Variants in RELN observed in about 807,000 individuals in gnomAD.
The protein encoded by RELN is reelin.
RELN carries 108 observed loss-of-function variants against 427.6 expected under a neutral mutation model. That is an observed-to-expected ratio of 0.25 (90% CI 0.22 to 0.30). The LOEUF (loss-of-function observed/expected upper bound fraction) is 0.30. RELN is among the 10% of genes least tolerant of loss of function. RELN has a pLI of 1.00. For missense variants in RELN, 3,715 were observed against 4,302.8 expected (o/e 0.86, Z 3.82); for synonymous variants, 1,524 against 1,513.4 (o/e 1.01, Z -0.16).
At chr7:103,965,711 C>A (rs1331552278) in intron 1 of RELN, among the ~76,000 whole-genome samples, 1 of 152,136 alleles carries the variant, frequency 6.6e-6, no homozygotes, top group East Asian at 1.9e-4. Context: ...ATCCAATTCC[C>A]AGATCTTTTC....
intron 6 of RELN, among the ~76,000 whole-genome samples, chr7:103,744,152 C>T (rs962781615): frequency 6.6e-6 from 1 of 152,124 alleles, no homozygotes; most frequent in Non-Finnish European, 1.5e-5. Flanking sequence ...ACAACCTGCT[C>T]CTGAATGACT....
At chr7:103,668,919 T>G (rs1298835712) in intron 11 of RELN, among the ~76,000 whole-genome samples, 1 of 152,108 alleles carries the variant, frequency 6.6e-6, no homozygotes, top group Non-Finnish European at 1.5e-5. Context: ...AAGTGAAAAA[T>G]TAAATTGAAA....
chr7:103,631,572 G>A (rs1054317092), intron 19 of RELN, among the ~76,000 whole-genome samples: 8 of 152,034 alleles, frequency 5.3e-5, no homozygotes, highest in South Asian at 2.1e-4. Flanking sequence ...GATTACAGGC[G>A]TGGGCCACTG....
At chr7:103,843,730 G>A (rs1793610603) in intron 2 of RELN, among the ~76,000 whole-genome samples, 1 of 152,142 alleles carries the variant, frequency 6.6e-6, no homozygotes, top group Non-Finnish European at 1.5e-5. Context: ...GTCAAATGCT[G>A]TTCTCCCAAG....
Position 103,523,118 on chromosome 7 carries a change from G to C in RELN, c.7490+273C>G, listed in dbSNP as rs930302901. Among the ~76,000 whole-genome samples, 3 of 152,206 alleles carry C rather than the reference G, an allele frequency of 2.0e-5. No homozygotes were observed. In the East Asian group the frequency reaches 5.8e-4, roughly 29 times the overall value. ...TTTTCTAATGTTATTTTCAAGGCTC[G>C]AGTGTATCACAGAAACACAGAAGGA... On this transcript the variant is annotated intron_variant, in intron 47 of 64. Transcript: ENST00000428762.
intron 2 of RELN, among the ~76,000 whole-genome samples, chr7:103,876,503 T>TAA (rs386410872): frequency 6.8e-6 from 1 of 147,840 alleles, no homozygotes; most frequent in South Asian, 2.4e-4. Context: ...TACTATCAAA[T>TAA]ATGTTATTAC....
At chr7:103,803,950 C>T (rs560969111) in intron 3 of RELN, among the ~76,000 whole-genome samples, 27 of 152,068 alleles carry the variant, frequency 1.8e-4, no homozygotes, top group African/African-American at 5.8e-4. Context: ...ATCTCAAGGC[C>T]ATAAAAACCA....
intron 1 of RELN, among the ~76,000 whole-genome samples, chr7:103,963,361 A>C (rs1356910465): frequency 1.3e-5 from 2 of 152,212 alleles, no homozygotes; most frequent in Non-Finnish European, 2.9e-5. Context: ...GAGGTAAGTA[A>C]ACAAAATATT....
intron 1 of RELN, among the ~76,000 whole-genome samples, chr7:103,976,970 T>C (rs1335669994): frequency 6.6e-6 from 1 of 152,084 alleles, no homozygotes; most frequent in East Asian, 1.9e-4. Flanking sequence ...GGAGGATCAC[T>C]TGAGCCCAAG....
In RELN at chr7:103,620,449, G is replaced by C. The variant is rs1832190760; in HGVS notation, c.2703-8646C>G. 6.7e-6 allele frequency among the ~76,000 whole-genome samples: 1 copy of C among 149,190 alleles called. No individual in the cohort carries two copies. Among genetic ancestry groups the C allele is most frequent in the African/African-American group, 2.5e-5 (1 of 40,320 alleles). On this transcript the variant is annotated intron_variant, in intron 20 of 64. Coordinates refer to ENST00000428762, the MANE Select transcript of RELN (RefSeq NM_005045.4). This position sits in a 1 kb window ranked among gnomAD's most constrained non-coding sequence, Gnocchi z 4.1. ...CCACATTATCTCCAGATTCGATTTT[G>C]GTTGAAGATAACTCACCCGATCCAC... is the stretch of plus-strand genomic sequence containing the variant.
rs181733986 is a variant in RELN, at chr7:103,691,761, C to T, written c.1143+6092G>A. On this transcript the variant is annotated intron_variant, in intron 10 of 64. Coordinates refer to ENST00000428762, the MANE Select transcript of RELN (RefSeq NM_005045.4). The stretch of plus-strand genomic sequence containing the variant: ...CTGGGAGGTGGAGGCTGCAGTGAGA[C>T]GAGATCATGACACTGCACACTAGTC... Among the ~76,000 whole-genome samples the T allele has an allele frequency of 9.5e-3, 1,443 of 152,134 alleles. 10 individuals carry two copies. The highest frequency in any genetic ancestry group is 0.011 in the Admixed American group (174 of 15,268).
At chr7:103,495,672 A>G (rs1445998427) in intron 57 of RELN, 51 bp downstream of exon 57, 2 of 1,543,312 alleles carry the variant, frequency 1.3e-6, no homozygotes, top group South Asian at 1.1e-5. Flanking sequence ...TTCTCCCTCG[A>G]GGCCCCAAAT....
At chr7:103,794,482 C>A (rs939692948) in intron 3 of RELN, among the ~76,000 whole-genome samples, 1 of 152,142 alleles carries the variant, frequency 6.6e-6, no homozygotes, top group African/African-American at 2.4e-5. Flanking sequence ...ATCTTCCAGT[C>A]CCCTTTGATT....
rs577322666 is a variant in RELN at position 103,642,857 on chromosome 7, C to T, written c.2003-2248G>A. On this transcript the variant is annotated intron_variant, in intron 16 of 64. Transcript: ENST00000428762. ...TGCTATCTAGAGGCAAATGCCTACTCCCTAGAGCTAATGAACAGGTGCAAT... is the reference window on the plus strand; with the variant it reads ...TGCTATCTAGAGGCAAATGCCTACTTCCTAGAGCTAATGAACAGGTGCAAT... Among the ~76,000 whole-genome samples the T allele has an allele frequency of 7.2e-5, 11 of 152,166 alleles. No homozygotes were observed. The East Asian group carries it at 1.4e-3, about 19-fold the overall frequency.
In RELN at chr7:103,510,971, T is replaced by C; in HGVS notation, c.8154A>G (p.Thr2718=). Residue 2718 remains threonine (T), a synonymous_variant, in exon 51 of 65, where the codon ACA becomes ACG. Transcript: ENST00000428762. ...NEHWLFHDDC[T]VERFCDSPDG... ...CAGGGGAGTCACAGAATCTTTCTAC[T>C]GTACAATCATCATGGAATAGCCAGT... 6.2e-7 allele frequency: 1 copy of C among 1,613,738 alleles called. No individual in the cohort carries two copies. The highest frequency in any genetic ancestry group is 1.3e-5 in the African/African-American group (1 of 75,048).
At chr7:103,588,014 G>T (rs926992929) in intron 28 of RELN, among the ~76,000 whole-genome samples, 4 of 152,160 alleles carry the variant, frequency 2.6e-5, no homozygotes, top group African/African-American at 7.2e-5. Context: ...ATTACCATAT[G>T]ATCCAGTAAT....
intron 28 of RELN, 135 bp from the exon 29 acceptor site, chr7:103,575,840 C>T (rs1237250466): frequency 7.4e-6 from 7 of 948,146 alleles, no homozygotes; most frequent in Admixed American, 1.9e-5. Flanking sequence ...CTGCACTTAA[C>T]CTTCATAAGC....
intron 12 of RELN, among the ~76,000 whole-genome samples, chr7:103,660,956 T>C (rs1833127198): frequency 6.6e-6 from 1 of 152,228 alleles, no homozygotes; most frequent in Non-Finnish European, 1.5e-5. Flanking sequence ...AGTATTAACC[T>C]AAATTTCTCA....
rs1189656974 is a variant in RELN, at chr7:103,594,413, C to A, written c.3619G>T (p.Glu1207Ter). The change falls in exon 26 of 65, where the codon GAG (glutamate) becomes TAG (stop). Residue 1207 changes from glutamate (E) to a stop codon, truncating the protein, a stop_gained. Coordinates refer to ENST00000428762, the MANE Select transcript of RELN (RefSeq NM_005045.4). LOFTEE classifies it high-confidence loss of function. ...FRWWQPVFSG[E>*]DYDQWAVDDI... ...TCGACTGCCCACTGGTCATAGTCCT[C>A]CCCTGAGAACACGGGCTGCCACCAG... 4 of 1,613,916 alleles carry A rather than the reference C, an allele frequency of 2.5e-6. No homozygotes were observed. Among genetic ancestry groups the A allele is most frequent in the Admixed American group, 3.3e-5 (2 of 59,986 alleles).
Sources: allele counts gnomAD v4.1 joint callset (sites outside exome capture counted in the v4.1 genomes callset), GRCh38; gene constraint gnomAD v4.1.1; non-coding constraint Gnocchi (gnomAD v3.1); transcripts MANE v1.5; gene names NCBI Gene and HGNC (gene_info 2026-07-23, HGNC 2026-07-21).